The following MANBAL variants were observed in gnomAD, a reference collection of about 807,000 sequenced individuals.
MANBAL encodes protein MANBAL.
A neutral mutation model predicts 6.4 loss-of-function variants in MANBAL; 1 was observed. The ratio of observed to expected loss-of-function variants is 0.16; its 90% confidence interval spans 0.06 to 0.74. The LOEUF (loss-of-function observed/expected upper bound fraction) is 0.74. MANBAL is among the 30% of genes least tolerant of loss of function. The pLI, the probability that MANBAL is intolerant of heterozygous loss-of-function variation, is 0.78. For missense variants in MANBAL, 100 were observed against 107.8 expected (o/e 0.93, Z 0.32); for synonymous variants, 47 against 45.8 (o/e 1.03, Z -0.10).
At chr20:37,313,320 G>A (rs141047189) in intron 2 of MANBAL, among the ~76,000 whole-genome samples, 7 of 151,570 alleles carry the variant, frequency 4.6e-5, no homozygotes, top group Non-Finnish European at 8.8e-5. Flanking sequence ...GCAATGAGCC[G>A]AGATCGAGCC....
chr20:37,311,498 C>T (rs974815460), intron 2 of MANBAL, among the ~76,000 whole-genome samples: 11 of 152,030 alleles, frequency 7.2e-5, no homozygotes, highest in Admixed American at 2.0e-4. Context: ...TTGTTTTGAG[C>T]GAAACTTTTT....
chr20:37,312,661 ATCTC>A (rs1249295478), intron 2 of MANBAL, among the ~76,000 whole-genome samples: 1 of 152,076 alleles, frequency 6.6e-6, no homozygotes, highest in Non-Finnish European at 1.5e-5. Flanking sequence ...TAGAGAGGGA[ATCTC>A]TCTCTGTTGC....
At chr20:37,305,635 T>G (rs1568602026) in intron 2 of MANBAL, among the ~76,000 whole-genome samples, 1 of 151,952 alleles carries the variant, frequency 6.6e-6, no homozygotes, top group African/African-American at 2.4e-5. Context: ...GAAACAAGGC[T>G]CACACAAGTA....
At chr20:37,298,313 A>G (rs1351051358) in intron 1 of MANBAL, among the ~76,000 whole-genome samples, 2 of 152,266 alleles carry the variant, frequency 1.3e-5, no homozygotes, top group Non-Finnish European at 2.9e-5. Context: ...GCAGTGTTGT[A>G]TAACCGTCAT....
intron 2 of MANBAL, among the ~76,000 whole-genome samples, chr20:37,313,928 G>C (rs912533426): frequency 6.6e-6 from 1 of 152,254 alleles, no homozygotes; most frequent in African/African-American, 2.4e-5. Flanking sequence ...GCCTGACTCA[G>C]TGTGAGGGAT....
chr20:37,307,616 G>A (rs928306238), intron 2 of MANBAL, among the ~76,000 whole-genome samples: 2 of 152,176 alleles, frequency 1.3e-5, no homozygotes, highest in South Asian at 4.1e-4. Context: ...AACTAGCCAG[G>A]CGTGGTAGTG....
At chr20:37,296,958 T>C (rs1182658429) in intron 1 of MANBAL, 2 of 152,204 alleles carry the variant, frequency 1.3e-5, no homozygotes, top group Non-Finnish European at 2.9e-5. Context: ...ATATTTCTTA[T>C]CACAATGTTG....
intron 1 of MANBAL, among the ~76,000 whole-genome samples, chr20:37,291,746 A>T (rs2068875804): frequency 6.6e-6 from 1 of 152,150 alleles, no homozygotes; most frequent in South Asian, 2.1e-4. Flanking sequence ...CCTGATAGTG[A>T]ATAAGTCTCA....
rs542071162 is a variant in MANBAL at position 37,316,819 on chromosome 20, G to A, written c.*404G>A. 1.8e-3 allele frequency: 336 copies of A among 181,678 alleles called. 2 individuals are homozygous for A. Among genetic ancestry groups the A allele is most frequent in the African/African-American group, 6.1e-3 (254 of 41,876 alleles). 11.3% of individuals were successfully genotyped at this position (181,678 alleles called of 1,614,324 possible). ...AAGCACACCCTCTCCCATTATTTGTGCACTACAGATCTCCTCCTGATCAGT... is the reference window on the plus strand; with the variant it reads ...AAGCACACCCTCTCCCATTATTTGTACACTACAGATCTCCTCCTGATCAGT... On this transcript the variant is annotated 3_prime_UTR_variant, in exon 3 of 3. Coordinates refer to ENST00000373606, the MANE Select transcript of MANBAL (RefSeq NM_001003897.2).
chr20:37,306,389 G>A (rs1176621964), intron 2 of MANBAL, among the ~76,000 whole-genome samples: 1 of 152,118 alleles, frequency 6.6e-6, no homozygotes. Flanking sequence ...AAGCTCTTTT[G>A]GGGTTAATCA....
chr20:37,291,304 C>T (rs542247654), intron 1 of MANBAL, among the ~76,000 whole-genome samples: 30 of 152,104 alleles, frequency 2.0e-4, no homozygotes, highest in Non-Finnish European at 3.7e-4. Context: ...ATTACTGAAC[C>T]AATATTGATA....
At chr20:37,297,259 C>G (rs1371706624) in intron 1 of MANBAL, 1 of 152,116 alleles carries the variant, frequency 6.6e-6, no homozygotes, top group Non-Finnish European at 1.5e-5. Context: ...GAGCATCATA[C>G]CTTGTATTTG....
intron 2 of MANBAL, among the ~76,000 whole-genome samples, chr20:37,311,433 A>G (rs1362466193): frequency 6.6e-6 from 1 of 152,156 alleles, no homozygotes; most frequent in Non-Finnish European, 1.5e-5. Context: ...GAAGGAGGAA[A>G]CAGACACGAT....
Position 37,292,313 on chromosome 20 carries a change from T to C in MANBAL, c.-57+2627T>C, listed in dbSNP as rs181870363. On this transcript the variant is annotated intron_variant, in intron 1 of 2. Coordinates refer to ENST00000373606, the MANE Select transcript of MANBAL (RefSeq NM_001003897.2). ...ATCGGTGTGAACTCATGGATTTGTT[T>C]TGTTTTGAGACAGGGTCTCCCGCTG... 1.3e-3 allele frequency among the ~76,000 whole-genome samples: 201 copies of C among 152,340 alleles called. 2 individuals carry two copies. Among genetic ancestry groups the C allele is most frequent in the Non-Finnish European group, 2.3e-3 (159 of 68,036 alleles).
At chr20:37,311,563 C>T (rs371044802) in intron 2 of MANBAL, among the ~76,000 whole-genome samples, 103 of 152,274 alleles carry the variant, frequency 6.8e-4, no homozygotes, top group African/African-American at 2.5e-3. Flanking sequence ...TCTCGGCTCA[C>T]GGCAGCCCCC....
intron 1 of MANBAL, among the ~76,000 whole-genome samples, chr20:37,299,485 G>A (rs2146799932): frequency 6.6e-6 from 1 of 152,334 alleles, no homozygotes; most frequent in South Asian, 2.1e-4. Context: ...ATTCAAACTA[G>A]CTGCGTTTCA....
At chr20:37,290,851 C>T (rs2068850532) in intron 1 of MANBAL, among the ~76,000 whole-genome samples, 1 of 152,192 alleles carries the variant, frequency 6.6e-6, no homozygotes, top group Non-Finnish European at 1.5e-5. Context: ...GCAAGATATC[C>T]TTCCTCCTGG....
Position 37,316,556 on chromosome 20 carries a change from G to A in MANBAL, c.*141G>A. On this transcript the variant is annotated 3_prime_UTR_variant, in exon 3 of 3. Coordinates refer to ENST00000373606, the MANE Select transcript of MANBAL (RefSeq NM_001003897.2). Reference sequence around the variant, plus strand: ...CCCTATGACCGCAGAGATCTAGACAGTCGTAACAGTCCCCAGGCTCCAGCT... The same window carrying A: ...CCCTATGACCGCAGAGATCTAGACAATCGTAACAGTCCCCAGGCTCCAGCT... 1.6e-6 allele frequency: 1 copy of A among 610,710 alleles called. No homozygotes were observed. 37.8% of individuals were successfully genotyped at this position (610,710 alleles called of 1,614,324 possible). A position where few individuals can be genotyped will look rare whatever the true frequency, so the allele number is the denominator to read the frequency against.
intron 2 of MANBAL, among the ~76,000 whole-genome samples, chr20:37,303,373 A>G (rs530751093): frequency 6.6e-6 from 1 of 152,220 alleles, no homozygotes; most frequent in Non-Finnish European, 1.5e-5. Flanking sequence ...CTTTCAATAA[A>G]CAGAAATAGA....
Sources: allele counts gnomAD v4.1 joint callset (sites outside exome capture counted in the v4.1 genomes callset), GRCh38; gene constraint gnomAD v4.1.1; transcripts MANE v1.5; gene names NCBI Gene and HGNC (gene_info 2026-07-23, HGNC 2026-07-21).